Variants in SERPINE2 observed in about 807,000 individuals in gnomAD.
SERPINE2 encodes the protein serpin family E member 2, also known as glia-derived nexin.
SERPINE2 carries 14 observed loss-of-function variants against 36.3 expected under a neutral mutation model. The observed-to-expected ratio is 0.39, with a 90% CI of 0.25 to 0.60. The LOEUF (loss-of-function observed/expected upper bound fraction) is 0.60, where lower values mean the gene tolerates loss of function less well. SERPINE2 is among the 20% of genes least tolerant of loss of function. The probability of loss-of-function intolerance (pLI) is 0.57; values close to 1 mark genes in which losing one functional copy is unlikely to be tolerated. For missense variants in SERPINE2, 418 were observed against 499.6 expected, an observed-to-expected ratio of 0.84 and a Z score of 1.56; for synonymous variants, 192 against 191.8, an observed-to-expected ratio of 1.00 and a Z score of -0.01.
intron 1 of SERPINE2, among the ~76,000 whole-genome samples, chr2:224,012,468 T>A (rs1267975804): frequency 2.0e-5 from 3 of 151,798 alleles, no homozygotes; most frequent in Non-Finnish European, 4.4e-5. Context: ...CCAGGTGTGG[T>A]GGCGGGTGCT....
intron 1 of SERPINE2, among the ~76,000 whole-genome samples, chr2:224,019,256 AT>A (rs1294141101): frequency 6.4e-5 from 1 of 15,512 alleles, no homozygotes; most frequent in African/African-American, 9.4e-5. Context: ...AATAATAAAA[AT>A]ATATTGTTTT....
At chr2:223,977,677 AAGC>A (rs1690065005) in intron 7 of SERPINE2, 50 bp from the exon 8 acceptor site, 1 of 1,286,738 alleles carries the variant, frequency 7.8e-7, no homozygotes. Context: ...GAGACCATGT[AAGC>A]ATAAGGCCAG....
intron 1 of SERPINE2, among the ~76,000 whole-genome samples, chr2:224,017,289 G>C (rs1250961324): frequency 6.6e-6 from 1 of 151,656 alleles, no homozygotes. Context: ...ACGACTGCAT[G>C]TGAATCTATA....
chr2:223,980,158 C>T, intron 7 of SERPINE2, 153 bp downstream of exon 7: 1 of 586,004 alleles, frequency 1.7e-6, no homozygotes, highest in Non-Finnish European at 3.1e-6. Flanking sequence ...GGTCTTCAGT[C>T]TGTCTGTACT....
intron 1 of SERPINE2, among the ~76,000 whole-genome samples, chr2:224,025,908 A>G (rs1355503414): frequency 6.6e-6 from 1 of 152,220 alleles, no homozygotes. Context: ...TTCAAATGAC[A>G]GAGGGCAGCT....
chr2:224,031,336 A>T, intron 1 of SERPINE2: 1 of 985,406 alleles, frequency 1.0e-6, no homozygotes, highest in South Asian at 4.7e-5. Context: ...AGTGGGAATG[A>T]TATCAGCATC....
intron 1 of SERPINE2, among the ~76,000 whole-genome samples, chr2:224,010,568 A>G (rs939805749): frequency 1.3e-5 from 2 of 152,122 alleles, no homozygotes; most frequent in Non-Finnish European, 2.9e-5. Context: ...TATTCATTCT[A>G]TTTTCCTCTA....
intron 3 of SERPINE2, among the ~76,000 whole-genome samples, chr2:223,996,274 A>C (rs1022565016): frequency 6.6e-6 from 1 of 152,174 alleles, no homozygotes; most frequent in Non-Finnish European, 1.5e-5. Flanking sequence ...CAGAGTCAGG[A>C]CCAAGAACCA....
At chr2:224,031,068 G>A (rs74807729) in intron 1 of SERPINE2, 14,746 of 983,676 alleles carry the variant, frequency 0.015, 103 homozygotes, top group Non-Finnish European at 0.017. Flanking sequence ...TTGAAAGGAG[G>A]AGTGTGCTTT....
chr2:224,038,660 T>G (rs991946108), intron 1 of SERPINE2: 2 of 708,248 alleles, frequency 2.8e-6, no homozygotes, highest in Non-Finnish European at 5.0e-6. Context: ...TGCGCCAGTC[T>G]CTCCCCATCC....
chr2:223,987,738 C>A (rs1690489877), intron 4 of SERPINE2, among the ~76,000 whole-genome samples: 1 of 152,120 alleles, frequency 6.6e-6, no homozygotes, highest in Non-Finnish European at 1.5e-5. Flanking sequence ...TTTTGGGTGA[C>A]CCAGTTTTTC....
intron 1 of SERPINE2, among the ~76,000 whole-genome samples, chr2:224,036,180 G>C (rs1369019617): frequency 6.6e-6 from 1 of 152,066 alleles, no homozygotes; most frequent in Admixed American, 6.5e-5. Flanking sequence ...GCCAATCTGG[G>C]ACTCGCTTCA....
intron 3 of SERPINE2, among the ~76,000 whole-genome samples, chr2:223,995,576 C>G (rs1690851054): frequency 6.6e-6 from 1 of 152,202 alleles, no homozygotes; most frequent in South Asian, 2.1e-4. Flanking sequence ...GAACCTCGTT[C>G]TTTTTCGTGT....
chr2:224,031,759 A>T (rs866037867), intron 1 of SERPINE2, among the ~76,000 whole-genome samples: 1 of 93,686 alleles, frequency 1.1e-5, no homozygotes, highest in Non-Finnish European at 2.4e-5. Flanking sequence ...TCCACCCCCC[A>T]CCCCCCCCGC....
chr2:224,005,065 T>TTATATATTTTTATATATATA (rs1553547022), intron 1 of SERPINE2, among the ~76,000 whole-genome samples: 98 of 33,534 alleles, frequency 2.9e-3, no homozygotes, highest in South Asian at 4.4e-3. Flanking sequence ...TTTATATATA[T>TTATATATTTTTATATATATA]TATATATATA....
At position 224,036,337 on chromosome 2, in the gene SERPINE2, GAA is replaced by G. The variant is rs112604964; in HGVS notation, c.-23+2760_-23+2761del. ...AACCAGAAGGTGGCAACCAGGGATG[GAA>G]AAAAAAAAAAAAACCATCAGAAAGG... On this transcript the variant is annotated intron_variant, in intron 1 of 8. Coordinates refer to ENST00000409304, the MANE Select transcript of SERPINE2 (RefSeq NM_001136528.2). 4.8e-4 allele frequency among the ~76,000 whole-genome samples: 64 copies of G among 134,236 alleles called. 1 individual carries two copies. The highest frequency in any genetic ancestry group is 3.7e-3 in the Middle Eastern group (1 of 268). 88.1% of individuals were successfully genotyped at this position (134,236 alleles called of 152,430 possible).
At chr2:224,008,739 T>C (rs1691513641) in intron 1 of SERPINE2, among the ~76,000 whole-genome samples, 1 of 152,338 alleles carries the variant, frequency 6.6e-6, no homozygotes, top group South Asian at 2.1e-4. Context: ...TGAGCACCCT[T>C]ATCTAATAAA....
chr2:224,031,553 AT>A (rs1692370265), intron 1 of SERPINE2: 1 of 968,820 alleles, frequency 1.0e-6, no homozygotes, highest in East Asian at 1.1e-4. Context: ...ACGGAAGGGC[AT>A]GTGACCACGT....
chr2:224,001,236 T>C (rs1249298671), intron 2 of SERPINE2, among the ~76,000 whole-genome samples: 1 of 152,176 alleles, frequency 6.6e-6, no homozygotes, highest in East Asian at 1.9e-4. Context: ...GCTCCATCAC[T>C]ACGAGGCCCC....
Sources: allele counts gnomAD v4.1 joint callset (sites outside exome capture counted in the v4.1 genomes callset), GRCh38; gene constraint gnomAD v4.1.1; transcripts MANE v1.5; gene names NCBI Gene and HGNC (gene_info 2026-07-23, HGNC 2026-07-21).